Variants in ADAM9 observed in about 807,000 individuals in gnomAD.
ADAM9 encodes the protein ADAM metallopeptidase domain 9.
Under a neutral mutation model 108.1 loss-of-function variants are expected in ADAM9, and 54 were observed. The observed-to-expected ratio is 0.50, with a 90% CI of 0.40 to 0.63. The LOEUF is 0.63. ADAM9 is among the 20% of genes least tolerant of loss of function. The pLI, the probability that ADAM9 is intolerant of heterozygous loss-of-function variation, is 0.00. For synonymous variants in ADAM9, 316 were observed against 336.0 expected (o/e 0.94, Z 0.65); for missense variants, 830 against 997.7 (o/e 0.83, Z 2.26).
chr8:39,011,534 A>T, intron 2 of ADAM9, 124 bp from the exon 3 acceptor site: 1 of 812,968 alleles, frequency 1.2e-6, no homozygotes, highest in Non-Finnish European at 2.0e-6. Flanking sequence ...CTTCTATTAA[A>T]TAGTTCAGCC....
chr8:39,091,670 A>G (rs1191744993), intron 20 of ADAM9, among the ~76,000 whole-genome samples: 8 of 152,138 alleles, frequency 5.3e-5, no homozygotes, highest in Non-Finnish European at 1.2e-4. Context: ...TATTTTTCAT[A>G]GAGACGGGGT....
At chr8:39,092,520 C>T (rs1236048518) in intron 20 of ADAM9, among the ~76,000 whole-genome samples, 1 of 151,902 alleles carries the variant, frequency 6.6e-6, no homozygotes, top group Non-Finnish European at 1.5e-5. Context: ...GTATACTCTT[C>T]TTCATCATTG....
Position 39,054,488 on chromosome 8 carries a change from A to C in ADAM9, c.1310A>C (p.Glu437Ala), listed in dbSNP as rs1414216874. Residue 437 changes from glutamate to alanine, a missense_variant, in exon 13 of 22, where the codon GAA becomes GCA. Physicochemically the swap from Glu to Ala is moderately radical, Grantham distance 107. Around this residue, in one of 3 missense-constraint regions of ADAM9, gnomAD observed 381 missense variants for 539.8 expected, o/e 0.71. Coordinates refer to ENST00000487273, the MANE Select transcript of ADAM9 (RefSeq NM_003816.3). ...GTCATTTTATGTTCACAGGAATGTG[A>C]ATTGGACCCTTGCTGCGAAGGAAGT... ...ECDCGTPKEC[E>A]LDPCCEGSTC... 6.2e-7 allele frequency: 1 copy of C among 1,612,236 alleles called. No individual in the cohort carries two copies.
chr8:39,103,527 G>A, intron 21 of ADAM9, 80 bp from the exon 22 acceptor site: 1 of 1,327,766 alleles, frequency 7.5e-7, no homozygotes, highest in Non-Finnish European at 1.1e-6. Flanking sequence ...TGAGGATGGT[G>A]TTATGTTGAG....
intron 19 of ADAM9, 69 bp downstream of exon 19, chr8:39,090,257 A>G: frequency 7.2e-7 from 1 of 1,386,542 alleles, no homozygotes; most frequent in Non-Finnish European, 9.9e-7. Context: ...CAGAATCTCG[A>G]CTTCCCTGGG....
intron 12 of ADAM9, 60 bp downstream of exon 12, chr8:39,042,177 A>G: frequency 1.3e-6 from 2 of 1,598,054 alleles, no homozygotes; most frequent in Admixed American, 1.7e-5. Flanking sequence ...AAGAAATAAA[A>G]TGGCTTGCTT....
At chr8:39,098,904 G>C (rs1216254414) in intron 20 of ADAM9, among the ~76,000 whole-genome samples, 1 of 152,030 alleles carries the variant, frequency 6.6e-6, no homozygotes, top group Admixed American at 6.5e-5. Context: ...TTCTTTGCCA[G>C]ATGCTTGGGG....
intron 18 of ADAM9, among the ~76,000 whole-genome samples, chr8:39,083,680 A>T (rs990664746): frequency 6.6e-6 from 1 of 152,092 alleles, no homozygotes; most frequent in African/African-American, 2.4e-5. Flanking sequence ...CTAAATTATC[A>T]TTTCCTTCTA....
At chr8:39,058,511 C>T (rs1487281462) in intron 14 of ADAM9, among the ~76,000 whole-genome samples, 1 of 152,158 alleles carries the variant, frequency 6.6e-6, no homozygotes, top group African/African-American at 2.4e-5. Context: ...CATGGTAATA[C>T]TAAGAGATGC....
intron 3 of ADAM9, 83 bp downstream of exon 3, chr8:39,011,799 G>A (rs1236557356): frequency 3.1e-6 from 4 of 1,308,642 alleles, no homozygotes; most frequent in Admixed American, 1.7e-5. Context: ...ATATGGTTTA[G>A]TGGATCCTGA....
intron 14 of ADAM9, among the ~76,000 whole-genome samples, chr8:39,066,891 C>T (rs1465929962): frequency 2.0e-5 from 3 of 152,206 alleles, no homozygotes; most frequent in Non-Finnish European, 4.4e-5. Context: ...TTGGGTCTAA[C>T]ATTTCAGTCT....
At chr8:39,013,806 T>C (rs7840044) in intron 3 of ADAM9, among the ~76,000 whole-genome samples, 159 bp from the exon 4 acceptor site, 1 of 151,886 alleles carries the variant, frequency 6.6e-6, no homozygotes, top group Non-Finnish European at 1.5e-5. Flanking sequence ...CCAGCTGTTA[T>C]GAGCTTTTAA....
intron 21 of ADAM9, among the ~76,000 whole-genome samples, chr8:39,102,698 A>C (rs77769151): frequency 6.6e-6 from 1 of 152,224 alleles, no homozygotes; most frequent in African/African-American, 2.4e-5. Flanking sequence ...GTTAATAGAC[A>C]TGGACTTTAA....
intron 11 of ADAM9, among the ~76,000 whole-genome samples, chr8:39,032,296 G>A (rs939771407): frequency 6.6e-5 from 10 of 152,250 alleles, no homozygotes; most frequent in African/African-American, 2.2e-4. Flanking sequence ...TACAGAGGCA[G>A]CAGGCCTTGC....
At chr8:39,004,506 T>C (rs1836098621) in intron 1 of ADAM9, among the ~76,000 whole-genome samples, 1 of 152,242 alleles carries the variant, frequency 6.6e-6, no homozygotes, top group African/African-American at 2.4e-5. Flanking sequence ...TGAGCTACCA[T>C]GCCTGGCCAG....
chr8:39,100,461 C>G (rs983019051), intron 20 of ADAM9, among the ~76,000 whole-genome samples: 1 of 151,238 alleles, frequency 6.6e-6, no homozygotes, highest in African/African-American at 2.4e-5. Context: ...CCACTGCACT[C>G]CAGCCAGGGC....
intron 3 of ADAM9, among the ~76,000 whole-genome samples, chr8:39,013,034 A>G (rs1836408966): frequency 6.6e-6 from 1 of 152,190 alleles, no homozygotes; most frequent in African/African-American, 2.4e-5. Flanking sequence ...ATCACTAGTT[A>G]GCACATTACA....
intron 14 of ADAM9, among the ~76,000 whole-genome samples, chr8:39,056,310 C>T (rs1381903146): frequency 6.6e-6 from 1 of 152,036 alleles, no homozygotes; most frequent in Non-Finnish European, 1.5e-5. Flanking sequence ...AGGACTGTTC[C>T]CACCCACTAT....
At position 39,083,842 on chromosome 8, in the gene ADAM9, A is replaced by G. The variant is rs535638980; in HGVS notation, c.2068+769A>G. Among the ~76,000 whole-genome samples, 9 of 152,276 alleles carry G rather than the reference A, an allele frequency of 5.9e-5. No homozygotes were observed. The East Asian group carries it at 1.7e-3, about 29-fold the overall frequency. ...TATGCTTTTTTTCTCTTGGGTAACT[A>G]CCAGCTAGAATGACTAGTCATATAG... On this transcript the variant is annotated intron_variant, in intron 18 of 21. Coordinates refer to ENST00000487273, the MANE Select transcript of ADAM9 (RefSeq NM_003816.3).
Sources: gnomAD v4.1 joint callset for allele counts (sites outside exome capture counted in the v4.1 genomes callset) on GRCh38, gnomAD v4.1.1 for gene constraint, gnomAD v4.1.1 regional missense constraint, MANE v1.5 for transcripts, NCBI Gene and HGNC (gene_info 2026-07-23, HGNC 2026-07-21) for gene names.